The following ITM2C variants were observed in gnomAD, a reference collection of about 807,000 sequenced individuals.
The protein encoded by ITM2C is BRICHOS domain containing 2C.
In ITM2C, 20 loss-of-function variants were observed where a neutral mutation model predicts 30.0. The observed-to-expected ratio is 0.67, with a 90% confidence interval of 0.47 to 0.97. The LOEUF is 0.97. ITM2C is among the 50% of genes least tolerant of loss of function. ITM2C has a pLI of 0.00. For missense variants in ITM2C, 366 were observed against 371.9 expected, an observed-to-expected ratio of 0.98 and a Z score of 0.13; for synonymous variants, 167 against 156.4, an observed-to-expected ratio of 1.07 and a Z score of -0.51.
chr2:230,875,804 A>G lies in ITM2C; in HGVS notation c.446A>G (p.Gln149Arg). ...GDPADIIHDF[Q>R]RGLTAYHDIS... ...CCTGCAGACATCATCCATGACTTCCAGCGGGTGAGGCTGGCCAGGGCCTGG... is the reference window on the plus strand; with the variant it reads ...CCTGCAGACATCATCCATGACTTCCGGCGGGTGAGGCTGGCCAGGGCCTGG... The change falls in exon 3 of 6, where the codon CAG becomes CGG. Residue 149 changes from glutamine (Q) to arginine (R), a missense_variant. Coordinates refer to ENST00000326427, the MANE Select transcript of ITM2C (RefSeq NM_030926.6). 9.7e-7 allele frequency: 1 copy of G among 1,026,824 alleles called. No individual in the cohort carries two copies. The highest frequency in any genetic ancestry group is 1.3e-6 in the Non-Finnish European group (1 of 762,128). 63.6% of individuals were successfully genotyped at this position (1,026,824 alleles called of 1,614,324 possible).
intron 1 of ITM2C, among the ~76,000 whole-genome samples, chr2:230,873,071 A>G (rs1281037917): frequency 6.6e-6 from 1 of 151,982 alleles, no homozygotes; most frequent in Non-Finnish European, 1.5e-5. Flanking sequence ...GAAAGAATAT[A>G]CCACGGTCAC....
rs1483590337 is a variant in ITM2C, at chr2:230,865,263, G to A, written c.120+118G>A. The A allele has an allele frequency of 1.8e-6, 2 of 1,121,492 alleles. No individual in the cohort carries two copies. The highest frequency in any genetic ancestry group is 1.6e-5 in the African/African-American group (1 of 61,544). The allele number at this position is 1,121,492 out of a possible 1,614,324, so 69.5% of individuals were successfully genotyped here. ...TCAGGGCCCCAGAGCCCGGGGTGGA[G>A]CAGGGTTGGGAAGTCTCGAATGGTT... On this transcript the variant is annotated intron_variant, in intron 1 of 5. Transcript: ENST00000326427. This position sits in a 1 kb window ranked among gnomAD's most constrained non-coding sequence, Gnocchi z 6.8.
intron 1 of ITM2C, among the ~76,000 whole-genome samples, chr2:230,867,062 G>C (rs548963234): frequency 6.6e-6 from 1 of 152,306 alleles, no homozygotes; most frequent in East Asian, 1.9e-4. Flanking sequence ...ACATCTTCCT[G>C]CGTGCTGTTT....
intron 1 of ITM2C, among the ~76,000 whole-genome samples, chr2:230,868,930 C>T (rs1460938791): frequency 6.6e-6 from 1 of 152,254 alleles, no homozygotes; most frequent in Admixed American, 6.5e-5. Flanking sequence ...GGCGCCCCGG[C>T]AGGCCCCACG....
At chr2:230,874,112 G>A (rs1228441843) in intron 2 of ITM2C, among the ~76,000 whole-genome samples, 1 of 152,196 alleles carries the variant, frequency 6.6e-6, no homozygotes, top group Non-Finnish European at 1.5e-5. Flanking sequence ...GAGTGTCGCT[G>A]TGTGCTTGGA....
chr2:230,874,201 G>T (rs1366839239), intron 2 of ITM2C, among the ~76,000 whole-genome samples: 1 of 152,176 alleles, frequency 6.6e-6, no homozygotes, highest in Admixed American at 6.5e-5. Flanking sequence ...GGTGGGACTT[G>T]CCAGTCATTT....
At position 230,877,408 on chromosome 2, in the gene ITM2C, C is replaced by G; in HGVS notation, c.570C>G (p.Thr190=). 6.2e-7 allele frequency: 1 copy of G among 1,613,686 alleles called. No homozygotes were observed. Among genetic ancestry groups the G allele is most frequent in the Non-Finnish European group, 8.5e-7 (1 of 1,179,902 alleles). The change falls in exon 5 of 6, where the codon ACC becomes ACG. Residue 190 remains threonine, a synonymous_variant. Coordinates refer to ENST00000326427, the MANE Select transcript of ITM2C (RefSeq NM_030926.6). The surrounding 1 kb of genome is among the most constrained non-coding windows in gnomAD (Gnocchi z 4.8). Reference sequence around the variant, plus strand: ...GCCACCTTGTTTTGCAGAGGGGGACCTACCTGCCGCAGACGTACATCATCC... The same window carrying G: ...GCCACCTTGTTTTGCAGAGGGGGACGTACCTGCCGCAGACGTACATCATCC... The part of the protein sequence containing the change: ...WELLMNVKRG[T]YLPQTYIIQE...
chr2:230,875,847 GTGT>G, intron 3 of ITM2C, 39 bp downstream of exon 3: 2 of 682,714 alleles, frequency 2.9e-6, no homozygotes. Flanking sequence ...GGGTGGGAGG[GTGT>G]CCCGGGGACT....
At chr2:230,874,181 G>C (rs1036225610) in intron 2 of ITM2C, among the ~76,000 whole-genome samples, 16 of 152,164 alleles carry the variant, frequency 1.1e-4, no homozygotes, top group African/African-American at 3.9e-4. Context: ...GAACCTCAGG[G>C]TGACAAAGAG....
At position 230,878,459 on chromosome 2, in the gene ITM2C, T is replaced by G. The variant is rs1226033940; in HGVS notation, c.*360T>G. On this transcript the variant is annotated 3_prime_UTR_variant, in exon 6 of 6. Coordinates refer to ENST00000326427, the MANE Select transcript of ITM2C (RefSeq NM_030926.6). The surrounding 1 kb of genome is among the most constrained non-coding windows in gnomAD (Gnocchi z 4.5). ...GCATGTGAGGCCCTGGGCAAGGGGA[T>G]GGGGCTGTGGGGGCGGGGCGGCATG... 1.7e-5 allele frequency: 3 copies of G among 172,248 alleles called. No homozygotes were observed. Among genetic ancestry groups the G allele is most frequent in the Non-Finnish European group, 3.7e-5 (3 of 81,562 alleles). The allele number at this position is 172,248 out of a possible 1,614,324, so 10.7% of individuals were successfully genotyped here. A position where few individuals can be genotyped will look rare whatever the true frequency, so the allele number is the denominator to read the frequency against.
In ITM2C at chr2:230,873,467, C is replaced by T. The variant is rs754333370; in HGVS notation, c.171C>T (p.Gly57=). The T allele has an allele frequency of 9.3e-6, 15 of 1,609,158 alleles. No individual in the cohort carries two copies. Among genetic ancestry groups the T allele is most frequent in the South Asian group, 3.3e-5 (3 of 89,964 alleles). ...HRSKRGGSVG[G]VCYLSMGMVV... is the part of the protein sequence containing the mutation. ...CCAAGAGGGGGGGCTCAGTGGGCGG[C>T]GTGTGCTACCTGTCGATGGGCATGG... is the stretch of plus-strand genomic sequence containing the variant. The change falls in exon 2 of 6, where the codon GGC becomes GGT. Residue 57 remains glycine, a synonymous_variant. Coordinates refer to ENST00000326427, the MANE Select transcript of ITM2C (RefSeq NM_030926.6).
At chr2:230,873,679 G>C (rs1697223574) in intron 2 of ITM2C, 122 bp downstream of exon 2, 2 of 979,482 alleles carry the variant, frequency 2.0e-6, no homozygotes, top group Non-Finnish European at 2.9e-6. Context: ...GTGGGAGCGA[G>C]TGCCCGGCCA....
rs146175008 is a variant in ITM2C at position 230,875,806 on chromosome 2, C to A, written c.448C>A (p.Arg150=). 19 of 1,413,388 alleles carry A rather than the reference C, an allele frequency of 1.3e-5. No homozygotes were observed. The African/African-American group carries it at 3.1e-4, about 23-fold the overall frequency. 87.6% of individuals were successfully genotyped at this position (1,413,388 alleles called of 1,614,324 possible). A position where few individuals can be genotyped will look rare whatever the true frequency, so the allele number is the denominator to read the frequency against. The change falls in exon 3 of 6, where the codon CGG becomes AGG. Residue 150 remains arginine (R), a splice_region_variant and synonymous_variant. Coordinates refer to ENST00000326427, the MANE Select transcript of ITM2C (RefSeq NM_030926.6). The part of the protein sequence containing the change: ...DPADIIHDFQ[R]GLTAYHDISL... ...TGCAGACATCATCCATGACTTCCAGCGGGTGAGGCTGGCCAGGGCCTGGGG... is the reference window on the plus strand; with the variant it reads ...TGCAGACATCATCCATGACTTCCAGAGGGTGAGGCTGGCCAGGGCCTGGGG...
chr2:230,873,155 G>T, intron 1 of ITM2C: 2 of 393,112 alleles, frequency 5.1e-6, no homozygotes, highest in Non-Finnish European at 4.5e-6. Flanking sequence ...CATCTCTTTC[G>T]GTGGCTTCCA....
At chr2:230,872,700 G>T (rs1329468661) in intron 1 of ITM2C, among the ~76,000 whole-genome samples, 1 of 152,126 alleles carries the variant, frequency 6.6e-6, no homozygotes, top group Non-Finnish European at 1.5e-5. Context: ...TTGACTGCCG[G>T]TCGGTGCCTG....
intron 1 of ITM2C, among the ~76,000 whole-genome samples, chr2:230,867,565 T>C (rs1401916892): frequency 6.6e-6 from 1 of 152,232 alleles, no homozygotes; most frequent in Non-Finnish European, 1.5e-5. Context: ...GAAAGCTTAT[T>C]AAAACGTTTC....
chr2:230,877,944 G>T lies in ITM2C; in HGVS notation c.713-64G>T, dbSNP rs1689960712. On this transcript the variant is annotated intron_variant, in intron 5 of 5. Transcript: ENST00000326427. The surrounding 1 kb of genome is among the most constrained non-coding windows in gnomAD (Gnocchi z 4.8). Reference sequence around the variant, plus strand: ...TGGCCCTCCTGTGGCTCAGGCTGAGGCTGGTGGTCTTTGTGACTCAGCCAG... The same window carrying T: ...TGGCCCTCCTGTGGCTCAGGCTGAGTCTGGTGGTCTTTGTGACTCAGCCAG... 5 of 1,324,442 alleles carry T rather than the reference G, an allele frequency of 3.8e-6. No individual in the cohort carries two copies. The highest frequency in any genetic ancestry group is 1.1e-6 in the Non-Finnish European group (1 of 919,474). 82.0% of individuals were successfully genotyped at this position (1,324,442 alleles called of 1,614,324 possible).
rs112869373 is a variant in ITM2C, at chr2:230,875,605, C to T, written c.262-15C>T. Reference sequence around the variant, plus strand: ...AGCCTCTCTGACTGTCTGTCTGTCTCTCCGCCTTGCTCAGCTGGCCCGAGA... The same window carrying T: ...AGCCTCTCTGACTGTCTGTCTGTCTTTCCGCCTTGCTCAGCTGGCCCGAGA... On this transcript the variant is annotated splice_polypyrimidine_tract_variant and intron_variant, in intron 2 of 5. Transcript: ENST00000326427. The T allele has an allele frequency of 3.2e-6, 5 of 1,584,226 alleles. No individual in the cohort carries two copies. The African/African-American group carries it at 6.7e-5, about 21-fold the overall frequency.
chr2:230,877,288 G>C lies in ITM2C; in HGVS notation c.562-112G>C. ...AGGCAGGAAGTGCCTGAGGACATCA[G>C]AAGGGCCAGCCCAGGGGCCTCTGGA... On this transcript the variant is annotated intron_variant, in intron 4 of 5. Coordinates refer to ENST00000326427, the MANE Select transcript of ITM2C (RefSeq NM_030926.6). This position sits in a 1 kb window ranked among gnomAD's most constrained non-coding sequence, Gnocchi z 4.8. 8.9e-7 allele frequency: 1 copy of C among 1,126,258 alleles called. No individual in the cohort carries two copies. 69.8% of individuals were successfully genotyped at this position (1,126,258 alleles called of 1,614,324 possible).
Sources: allele counts gnomAD v4.1 joint callset (sites outside exome capture counted in the v4.1 genomes callset), GRCh38; gene constraint gnomAD v4.1.1; non-coding constraint Gnocchi (gnomAD v3.1); transcripts MANE v1.5; gene names NCBI Gene and HGNC (gene_info 2026-07-23, HGNC 2026-07-21).